The following PDSS2 variants were observed in gnomAD, a reference collection of about 807,000 sequenced individuals.
PDSS2 encodes decaprenyl diphosphate synthase subunit 2, also known as all trans-polyprenyl-diphosphate synthase PDSS2.
Under a neutral mutation model 44.5 loss-of-function variants are expected in PDSS2, and 31 were observed. That is an observed-to-expected ratio of 0.70 (90% CI 0.52 to 0.94). The LOEUF (loss-of-function observed/expected upper bound fraction) is 0.94. Among genes scored for constraint, PDSS2 ranks in the 40% least tolerant of loss-of-function variants. The probability of loss-of-function intolerance (pLI) is 0.00; values close to 1 mark genes in which losing one functional copy is unlikely to be tolerated. For synonymous variants in PDSS2, 157 were observed against 180.3 expected (o/e 0.87, Z 1.03); for missense variants, 452 against 482.2 (o/e 0.94, Z 0.59).
At chr6:107,261,769 G>A (rs1158851922) in intron 3 of PDSS2, among the ~76,000 whole-genome samples, 1 of 150,884 alleles carries the variant, frequency 6.6e-6, no homozygotes, top group East Asian at 1.9e-4. Context: ...AGTAGAGATG[G>A]GGTTTTGGCA....
At chr6:107,365,638 T>C (rs373062147) in intron 1 of PDSS2, among the ~76,000 whole-genome samples, 2 of 152,080 alleles carry the variant, frequency 1.3e-5, no homozygotes, top group African/African-American at 2.4e-5. Flanking sequence ...AGGCACACTT[T>C]ATAGAAAAAG....
chr6:107,397,277 C>T (rs982834188), intron 1 of PDSS2, among the ~76,000 whole-genome samples: 2 of 151,892 alleles, frequency 1.3e-5, no homozygotes, highest in African/African-American at 4.8e-5. Flanking sequence ...TTGACACTAG[C>T]ACTAATAGTA....
chr6:107,290,072 T>A (rs893034121), intron 2 of PDSS2, among the ~76,000 whole-genome samples: 2 of 152,180 alleles, frequency 1.3e-5, no homozygotes, highest in Admixed American at 6.5e-5. Context: ...CTGGTCCTAT[T>A]TTAGTATTTC....
chr6:107,184,242 G>T (rs1011781669), intron 7 of PDSS2, among the ~76,000 whole-genome samples: 1 of 152,094 alleles, frequency 6.6e-6, no homozygotes, highest in African/African-American at 2.4e-5. Flanking sequence ...GTTTGCTAGG[G>T]TCATGGGAAG....
chr6:107,241,946 G>C (rs1403022331), intron 4 of PDSS2, among the ~76,000 whole-genome samples: 4 of 152,186 alleles, frequency 2.6e-5, no homozygotes, highest in Non-Finnish European at 5.9e-5. Context: ...CCACAGAGGA[G>C]CCTCTCTTCC....
rs570537986 is a variant in PDSS2 at position 107,255,553 on chromosome 6, C to T, written c.631-9934G>A. Among the ~76,000 whole-genome samples the T allele has an allele frequency of 8.0e-5, 12 of 149,134 alleles. No individual in the cohort carries two copies. In the South Asian group the frequency reaches 1.9e-3, roughly 24 times the overall value. On this transcript the variant is annotated intron_variant, in intron 3 of 7. Coordinates refer to ENST00000369037, the MANE Select transcript of PDSS2 (RefSeq NM_020381.4). ...GGCGGAGGTTGCGGTGAGCCGAGAT[C>T]GTGCCATTGCACTCCAGCTTGGGCA...
At chr6:107,329,511 A>G (rs982302431) in intron 2 of PDSS2, among the ~76,000 whole-genome samples, 1 of 152,122 alleles carries the variant, frequency 6.6e-6, no homozygotes, top group Admixed American at 6.5e-5. Flanking sequence ...TTCTCCCTGT[A>G]TATGCATATC....
At chr6:107,389,602 G>A (rs1779719019) in intron 1 of PDSS2, among the ~76,000 whole-genome samples, 1 of 152,156 alleles carries the variant, frequency 6.6e-6, no homozygotes, top group African/African-American at 2.4e-5. Context: ...AAGGAATACT[G>A]TGGTATTGGA....
At chr6:107,429,937 T>TATATAC (rs1316596170) in intron 1 of PDSS2, among the ~76,000 whole-genome samples, 4 of 99,650 alleles carry the variant, frequency 4.0e-5, no homozygotes, top group African/African-American at 1.1e-4. Context: ...TATATATATA[T>TATATAC]ACACCAAACC....
At chr6:107,265,092 A>C (rs1383718651) in intron 3 of PDSS2, among the ~76,000 whole-genome samples, 2 of 152,234 alleles carry the variant, frequency 1.3e-5, no homozygotes, top group Non-Finnish European at 2.9e-5. Context: ...AATGGTAAGA[A>C]GACAATTACC....
intron 4 of PDSS2, among the ~76,000 whole-genome samples, chr6:107,224,746 C>T (rs1477674116): frequency 6.6e-6 from 1 of 151,224 alleles, no homozygotes; most frequent in Non-Finnish European, 1.5e-5. Flanking sequence ...TCTAGATATG[C>T]CAACATTAAC....
intron 7 of PDSS2, among the ~76,000 whole-genome samples, chr6:107,155,877 CTTTTTTTTTT>C (rs60840656): frequency 1.4e-4 from 7 of 51,666 alleles, no homozygotes; most frequent in Admixed American, 2.7e-4. Context: ...CTTGCCCGGC[CTTTTTTTTTT>C]TTTTTTTTTT....
intron 1 of PDSS2, among the ~76,000 whole-genome samples, chr6:107,414,989 C>A (rs544087701): frequency 2.0e-5 from 3 of 152,120 alleles, no homozygotes; most frequent in Non-Finnish European, 2.9e-5. Context: ...CATAGAATCT[C>A]AACTCAATGA....
At chr6:107,235,673 G>A (rs1774198439) in intron 4 of PDSS2, among the ~76,000 whole-genome samples, 1 of 151,842 alleles carries the variant, frequency 6.6e-6, no homozygotes, top group Admixed American at 6.6e-5. Flanking sequence ...TAACCAAGTT[G>A]CAAAAAAATA....
At chr6:107,399,059 C>T (rs1247203276) in intron 1 of PDSS2, among the ~76,000 whole-genome samples, 1 of 152,182 alleles carries the variant, frequency 6.6e-6, no homozygotes, top group Non-Finnish European at 1.5e-5. Flanking sequence ...AAAGCTAGCA[C>T]ATATACCACC....
At chr6:107,295,042 C>A (rs1378715423) in intron 2 of PDSS2, among the ~76,000 whole-genome samples, 1 of 152,188 alleles carries the variant, frequency 6.6e-6, no homozygotes, top group East Asian at 1.9e-4. Context: ...AGCGATTCTC[C>A]TGCCCCAGCC....
chr6:107,306,067 C>A (rs1157149185), intron 2 of PDSS2, among the ~76,000 whole-genome samples: 2 of 152,162 alleles, frequency 1.3e-5, no homozygotes, highest in African/African-American at 2.4e-5. Context: ...ACAAGTACCC[C>A]AAGGCCATAT....
chr6:107,405,984 C>A (rs2114623505), intron 1 of PDSS2, among the ~76,000 whole-genome samples: 1 of 152,170 alleles, frequency 6.6e-6, no homozygotes, highest in South Asian at 2.1e-4. Flanking sequence ...ATACCAAAAG[C>A]CTAGACTTTA....
At chr6:107,344,402 A>C (rs1028019758) in intron 1 of PDSS2, among the ~76,000 whole-genome samples, 2 of 152,210 alleles carry the variant, frequency 1.3e-5, no homozygotes, top group Non-Finnish European at 1.5e-5. Context: ...TATTACTGCC[A>C]TATCTATTCT....
Sources: allele counts gnomAD v4.1 joint callset (sites outside exome capture counted in the v4.1 genomes callset), GRCh38; gene constraint gnomAD v4.1.1; transcripts MANE v1.5; gene names NCBI Gene and HGNC (gene_info 2026-07-23, HGNC 2026-07-21).